The following AHNAK2 variants were observed in gnomAD, a reference collection of about 807,000 sequenced individuals.
AHNAK2 encodes the protein protein AHNAK2.
A neutral mutation model predicts 30.7 loss-of-function variants in AHNAK2; 18 were observed. The ratio of observed to expected loss-of-function variants is 0.59; its 90% CI spans 0.41 to 0.87. The LOEUF (loss-of-function observed/expected upper bound fraction) is 0.87. Ranked by LOEUF, AHNAK2 falls within the 40% of genes least tolerant of loss-of-function variation. The probability of loss-of-function intolerance (pLI) is 0.00; values close to 1 mark genes in which losing one functional copy is unlikely to be tolerated. For synonymous variants in AHNAK2, 3,590 were observed against 3,073.8 expected (o/e 1.17, Z -5.56); for missense variants, 8,604 against 7,373.0 (o/e 1.17, Z -6.11).
Position 104,939,200 on chromosome 14 carries a change from C to G in AHNAK2, c.16251G>C (p.Glu5417Asp), listed in dbSNP as rs1897905403. ...TACAAAGGGCTGTATCAATATTGGC[C>G]TCTGGACACTGCACTTCCCTCACAG... ...IPTVREVQCP[E>D]ANIDTALCKE... The change falls in exon 7 of 7, where the codon GAG becomes GAC. Residue 5417 changes from glutamate to aspartate, a missense_variant. Physicochemically the swap from Glu to Asp is conservative, Grantham distance 45. Coordinates refer to ENST00000333244, the MANE Select transcript of AHNAK2 (RefSeq NM_138420.4). 1 of 1,613,810 alleles carries G rather than the reference C, an allele frequency of 6.2e-7. No individual in the cohort carries two copies. The highest frequency in any genetic ancestry group is 8.5e-7 in the Non-Finnish European group (1 of 1,179,874).
At position 104,953,581 on chromosome 14, in the gene AHNAK2, T is replaced by G. The variant is rs771840937; in HGVS notation, c.1870A>C (p.Arg624=). ...EGEATATADR[R]EQRRTEEGLK... is the part of the protein sequence containing the mutation. ...CCTTCCTCTGTGCGTCTCTGTTCTC[T>G]TCTATCAGCTGTTGCTGTGGCCTCT... The change falls in exon 7 of 7, where the codon AGA becomes CGA. Residue 624 remains arginine (R), a synonymous_variant. Coordinates refer to ENST00000333244, the MANE Select transcript of AHNAK2 (RefSeq NM_138420.4). 1 of 1,614,064 alleles carries G rather than the reference T, an allele frequency of 6.2e-7. No individual in the cohort carries two copies. Among genetic ancestry groups the G allele is most frequent in the Non-Finnish European group, 8.5e-7 (1 of 1,179,906 alleles).
At chr14:104,959,044 G>A (rs930871051) in intron 1 of AHNAK2, among the ~76,000 whole-genome samples, 1 of 152,178 alleles carries the variant, frequency 6.6e-6, no homozygotes, top group Non-Finnish European at 1.5e-5. Context: ...CAAAAATAAA[G>A]GCAAAATAGT....
intron 1 of AHNAK2, among the ~76,000 whole-genome samples, chr14:104,968,441 G>T (rs902925428): frequency 6.6e-6 from 1 of 152,196 alleles, no homozygotes; most frequent in Non-Finnish European, 1.5e-5. Context: ...AGGAACACAG[G>T]CGGGGAGTGT....
chr14:104,974,476 C>T (rs557584723), intron 1 of AHNAK2, among the ~76,000 whole-genome samples: 2 of 152,270 alleles, frequency 1.3e-5, no homozygotes, highest in Non-Finnish European at 2.9e-5. Context: ...CGCCCTCAGC[C>T]TCTGCAGGCT....
chr14:104,955,490 C>A lies in AHNAK2; in HGVS notation c.459G>T (p.Leu153Phe). The change falls in exon 5 of 7, where the codon TTG becomes TTT. Residue 153 changes from leucine (L) to phenylalanine (F), a missense_variant. Leu to Phe is a conservative substitution (Grantham distance 22, BLOSUM62 0). Transcript: ENST00000333244. ...KDSSAAKLFN[L>F]REGDQLLSTT... ...ATGGAACTGCCATGGCACCTTCTCT[C>A]AAGTTAAAAAGCTTGGCGGCTGAGG... 6.2e-7 allele frequency: 1 copy of A among 1,612,884 alleles called. No individual in the cohort carries two copies. The highest frequency in any genetic ancestry group is 8.5e-7 in the Non-Finnish European group (1 of 1,179,484).
At position 104,938,567 on chromosome 14, in the gene AHNAK2, A is replaced by T. The variant is rs1455142236; in HGVS notation, c.16884T>A (p.Asp5628Glu). The change falls in exon 7 of 7, where the codon GAT (aspartate) becomes GAA (glutamate). Residue 5628 changes from aspartate to glutamate, a missense_variant. Asp to Glu is a conservative substitution (Grantham distance 45). Coordinates refer to ENST00000333244, the MANE Select transcript of AHNAK2 (RefSeq NM_138420.4). ...GTTTGTCTTTTGGAGCCCTGCCTTC[A>T]TCTGCCAGTGGTGTGGTTGCCTCTT... is the stretch of plus-strand genomic sequence containing the variant. ...DSQEATTPLA[D>E]EGRAPKDKPE... The T allele has an allele frequency of 6.2e-7, 1 of 1,613,372 alleles. No homozygotes were observed. The highest frequency in any genetic ancestry group is 8.5e-7 in the Non-Finnish European group (1 of 1,179,808).
chr14:104,947,935 C>A lies in AHNAK2; in HGVS notation c.7516G>T (p.Val2506Leu), dbSNP rs368672434. 5 of 1,612,720 alleles carry A rather than the reference C, an allele frequency of 3.1e-6. No homozygotes were observed. The highest frequency in any genetic ancestry group is 4.2e-6 in the Non-Finnish European group (5 of 1,179,644). ...TCCACCTTCGGCGCAGACACATCCA[C>A]CGAGGCCTCGATGGACTTGCCTGGG... is the stretch of plus-strand genomic sequence containing the variant. ...SAPGKSIEAS[V>L]DVSAPKVEAD... Residue 2506 changes from valine to leucine, a missense_variant, in exon 7 of 7, where the codon GTG (valine) becomes TTG (leucine). Coordinates refer to ENST00000333244, the MANE Select transcript of AHNAK2 (RefSeq NM_138420.4).
At position 104,954,275 on chromosome 14, in the gene AHNAK2, G is replaced by T. The variant is rs757711984; in HGVS notation, c.1176C>A (p.Ser392Arg). 7.4e-6 allele frequency: 12 copies of T among 1,613,210 alleles called. No individual in the cohort carries two copies. The Admixed American group carries it at 2.0e-4, about 27-fold the overall frequency. The stretch of plus-strand genomic sequence containing the variant: ...CACCGAGCTCTGTGGGCAATGGCAT[G>T]CTCTGAGCAGGCATCACTTCTCGAT... ...EQDREVMPAQ[S>R]MPLPTELGDP... Residue 392 changes from serine (S) to arginine (R), a missense_variant, in exon 7 of 7, where the codon AGC becomes AGA. Physicochemically the swap from Ser to Arg is moderately radical, Grantham distance 110. Coordinates refer to ENST00000333244, the MANE Select transcript of AHNAK2 (RefSeq NM_138420.4). The surrounding 1 kb of genome is among the most constrained non-coding windows in gnomAD (Gnocchi z 4.3).
rs202237811 is a variant in AHNAK2, at chr14:104,944,556, G to A, written c.10895C>T (p.Thr3632Ile). 208 of 1,613,334 alleles carry A rather than the reference G, an allele frequency of 1.3e-4. 1 individual carries two copies. The Middle Eastern group carries it at 2.6e-3, about 20-fold the overall frequency. ...GDLSLADKDV[T>I]AKDSKFKMPK... Reference sequence around the variant, plus strand: ...CATTTTGAACTTGCTGTCTTTGGCAGTCACGTCCTTGTCAGCCAGGGACAG... The same window carrying A: ...CATTTTGAACTTGCTGTCTTTGGCAATCACGTCCTTGTCAGCCAGGGACAG... The change falls in exon 7 of 7, where the codon ACT (threonine) becomes ATT (isoleucine). Residue 3632 changes from threonine (T) to isoleucine (I), a missense_variant. Coordinates refer to ENST00000333244, the MANE Select transcript of AHNAK2 (RefSeq NM_138420.4).
rs1385948970 is a variant in AHNAK2 at position 104,944,571 on chromosome 14, G to A, written c.10880C>T (p.Ala3627Val). The A allele has an allele frequency of 1.2e-6, 2 of 1,613,278 alleles. No individual in the cohort carries two copies. Among genetic ancestry groups the A allele is most frequent in the South Asian group, 1.1e-5 (1 of 91,058 alleles). ...AGRLEGDLSL[A>V]DKDVTAKDSK... is the part of the protein sequence containing the mutation. ...GTCTTTGGCAGTCACGTCCTTGTCA[G>A]CCAGGGACAGGTCTCCCTCCAGCCG... The change falls in exon 7 of 7, where the codon GCT becomes GTT. Residue 3627 changes from alanine (A) to valine (V), a missense_variant. By Grantham distance (64) the Ala-to-Val change is moderately conservative (BLOSUM62 0). Coordinates refer to ENST00000333244, the MANE Select transcript of AHNAK2 (RefSeq NM_138420.4).
At chr14:104,970,769 C>T (rs1899452577) in intron 1 of AHNAK2, among the ~76,000 whole-genome samples, 1 of 152,246 alleles carries the variant, frequency 6.6e-6, no homozygotes, top group African/African-American at 2.4e-5. Flanking sequence ...CTCTGAGTCA[C>T]ACAGCCAGCC....
At position 104,954,139 on chromosome 14, in the gene AHNAK2, G is replaced by A. The variant is rs1254928527; in HGVS notation, c.1312C>T (p.Pro438Ser). 1 of 1,610,944 alleles carries A rather than the reference G, an allele frequency of 6.2e-7. No homozygotes were observed. Among genetic ancestry groups the A allele is most frequent in the Admixed American group, 1.7e-5 (1 of 60,010 alleles). The part of the protein sequence containing the change: ...AQETAVAQRK[P>S]RAQPTPGMSR... Reference sequence around the variant, plus strand: ...ATTCCAGGAGTTGGCTGGGCCCTGGGCTTCCTCTGGGCCACTGCTGTCTCC... The same window carrying A: ...ATTCCAGGAGTTGGCTGGGCCCTGGACTTCCTCTGGGCCACTGCTGTCTCC... Residue 438 changes from proline (P) to serine (S), a missense_variant, in exon 7 of 7, where the codon CCC becomes TCC. Transcript: ENST00000333244. This position sits in a 1 kb window ranked among gnomAD's most constrained non-coding sequence, Gnocchi z 4.3.
intron 1 of AHNAK2, 115 bp downstream of exon 1, chr14:104,978,068 C>G (rs1899641122): frequency 4.3e-5 from 38 of 881,962 alleles, no homozygotes; most frequent in South Asian, 5.6e-5. Flanking sequence ...CAGGCGTCTC[C>G]GAGTCCCCCG....
At position 104,946,565 on chromosome 14, in the gene AHNAK2, A is replaced by G; in HGVS notation, c.8886T>C (p.Gly2962=). Residue 2962 remains glycine (G), a synonymous_variant, in exon 7 of 7, where the codon GGT becomes GGC. Transcript: ENST00000333244. The part of the protein sequence containing the change: ...RAKLDGARLE[G]DLSLADKDVT... ...CATCCTTGTCGGCCAGGGACAGGTC[A>G]CCCTCCAGCCGTGCACCATCCAGCT... The G allele has an allele frequency of 6.3e-7, 1 of 1,590,476 alleles. No individual in the cohort carries two copies. Among genetic ancestry groups the G allele is most frequent in the African/African-American group, 1.4e-5 (1 of 69,010 alleles).
In AHNAK2 at chr14:104,950,000, A is replaced by G. The variant is rs371400548; in HGVS notation, c.5451T>C (p.Thr1817=). Residue 1817 remains threonine (T), a synonymous_variant, in exon 7 of 7, where the codon ACT becomes ACC. Coordinates refer to ENST00000333244, the MANE Select transcript of AHNAK2 (RefSeq NM_138420.4). ...GCATTTTGAACTTGCTGTCTTTGGCAGTCACATCCTTGTCGGCCAGGGACA... is the reference window on the plus strand; with the variant it reads ...GCATTTTGAACTTGCTGTCTTTGGCGGTCACATCCTTGTCGGCCAGGGACA... ...GDLSLADKDV[T]AKDSKFKMPK... is the part of the protein sequence containing the mutation. 6 of 1,587,268 alleles carry G rather than the reference A, an allele frequency of 3.8e-6. No individual in the cohort carries two copies. In the African/African-American group the frequency reaches 4.2e-5, roughly 11 times the overall value.
Position 104,947,561 on chromosome 14 carries a change from C to A in AHNAK2, c.7890G>T (p.Leu2630=). 1 of 1,613,110 alleles carries A rather than the reference C, an allele frequency of 6.2e-7. No homozygotes were observed. The highest frequency in any genetic ancestry group is 8.5e-7 in the Non-Finnish European group (1 of 1,179,722). The change falls in exon 7 of 7, where the codon CTG becomes CTT. Residue 2630 remains leucine, a synonymous_variant. Transcript: ENST00000333244. The part of the protein sequence containing the change: ...APRAKLDGAR[L]EGDLSLADKG... ...TGTCGGCCAGGGACAGGTCCCCCTC[C>A]AGCCGCGCACCATCCAGCTTTGCTC... is the stretch of plus-strand genomic sequence containing the variant.
chr14:104,942,495 G>C lies in AHNAK2; in HGVS notation c.12956C>G (p.Ala4319Gly), dbSNP rs200871609. Residue 4319 changes from alanine to glycine, a missense_variant, in exon 7 of 7, where the codon GCC becomes GGC. Ala to Gly is a moderately conservative substitution (Grantham distance 60). Coordinates refer to ENST00000333244, the MANE Select transcript of AHNAK2 (RefSeq NM_138420.4). ...GVSAPGKSIE[A>G]SLDVSALKVE... ...CTTCAGCGCAGACACATCCAACGAG[G>C]CCTCGATGGACTTGCCTGGGGCAGA... 14 of 1,612,234 alleles carry C rather than the reference G, an allele frequency of 8.7e-6. No homozygotes were observed. The highest frequency in any genetic ancestry group is 1.2e-5 in the Non-Finnish European group (14 of 1,179,312).
intron 1 of AHNAK2, chr14:104,970,615 CA>C: frequency 1.3e-6 from 1 of 760,246 alleles, no homozygotes; most frequent in Non-Finnish European, 1.6e-6. Flanking sequence ...AGGACCCCCA[CA>C]TCCCACCAGA....
At position 104,941,451 on chromosome 14, in the gene AHNAK2, A is replaced by G. The variant is rs201214310; in HGVS notation, c.14000T>C (p.Ile4667Thr). The G allele has an allele frequency of 8.7e-6, 14 of 1,612,602 alleles. No homozygotes were observed. In the African/African-American group the frequency reaches 9.3e-5, roughly 11 times the overall value. Residue 4667 changes from isoleucine (I) to threonine (T), a missense_variant, in exon 7 of 7, where the codon ATT becomes ACT. Ile to Thr is a moderately conservative substitution (Grantham distance 89). Coordinates refer to ENST00000333244, the MANE Select transcript of AHNAK2 (RefSeq NM_138420.4). ...TFHEKTSTFP[I>T]VESVVHEGDL... is the part of the protein sequence containing the mutation. ...ACCTTCATGAACAACAGATTCCACA[A>G]TGGGAAATGTGGAAGTCTTCTCATG...
Sources: allele counts gnomAD v4.1 joint callset (sites outside exome capture counted in the v4.1 genomes callset), GRCh38; gene constraint gnomAD v4.1.1; non-coding constraint Gnocchi (gnomAD v3.1); transcripts MANE v1.5; gene names NCBI Gene and HGNC (gene_info 2026-07-23, HGNC 2026-07-21).